The following SOX5 variants were observed in gnomAD, a reference collection of about 807,000 sequenced individuals.
The protein encoded by SOX5 is SRY-box transcription factor 5, also known as transcription factor SOX-5.
In SOX5, 9 loss-of-function variants were observed where a neutral mutation model predicts 92.0. The ratio of observed to expected loss-of-function variants is 0.10; its 90% CI spans 0.06 to 0.17. The LOEUF is 0.17. Ranked by LOEUF, SOX5 falls within the 10% of genes least tolerant of loss-of-function variation. The pLI, the probability that SOX5 is intolerant of heterozygous loss-of-function variation, is 1.00. For synonymous variants in SOX5, 344 were observed against 336.3 expected (o/e 1.02, Z -0.25); for missense variants, 642 against 944.5 (o/e 0.68, Z 4.20).
chr12:23,933,319 A>T (rs977292865), intron 1 of SOX5, among the ~76,000 whole-genome samples: 2 of 151,582 alleles, frequency 1.3e-5, no homozygotes, highest in African/African-American at 4.8e-5. Context: ...CATAACATAT[A>T]CTGTACAGAG....
At chr12:23,798,504 A>G (rs1166637875) in intron 3 of SOX5, among the ~76,000 whole-genome samples, 1 of 151,710 alleles carries the variant, frequency 6.6e-6, no homozygotes, top group African/African-American at 2.4e-5. Flanking sequence ...AGAGTTACAC[A>G]TGTATACTCA....
chr12:24,443,356 T>G (rs962372307), intron 1 of SOX5, among the ~76,000 whole-genome samples: 2 of 152,196 alleles, frequency 1.3e-5, no homozygotes, highest in Non-Finnish European at 2.9e-5. Context: ...TGCAAATGCT[T>G]TCAATAAACA....
Position 24,375,326 on chromosome 12 carries a change from G to A in SOX5, c.-250-6687C>T, listed in dbSNP as rs115375854. Among the ~76,000 whole-genome samples, 600 of 152,180 alleles carry A rather than the reference G, an allele frequency of 3.9e-3. 8 individuals carry two copies. The highest frequency in any genetic ancestry group is 0.014 in the African/African-American group (580 of 41,532). On this transcript the variant is annotated intron_variant, in intron 1 of 4. Transcript: ENST00000446891. ...CTAGGCCCCTCCTTCACTCCATCCT[G>A]CTCCTGGGCCTGAACGGGGAAATGG...
chr12:23,958,834 C>T (rs1045472125), intron 4 of SOX5, among the ~76,000 whole-genome samples: 11 of 151,164 alleles, frequency 7.3e-5, no homozygotes, highest in Admixed American at 6.6e-4. Context: ...CAATTTAAAA[C>T]CCCCAGAAAC....
intron 1 of SOX5, among the ~76,000 whole-genome samples, chr12:24,414,838 T>C (rs1180873747): frequency 6.6e-6 from 1 of 152,230 alleles, no homozygotes; most frequent in Non-Finnish European, 1.5e-5. Flanking sequence ...TCTCCCCACA[T>C]GCCTATGAAA....
chr12:24,394,060 G>A (rs1293722382), intron 1 of SOX5, among the ~76,000 whole-genome samples: 6 of 152,140 alleles, frequency 3.9e-5, no homozygotes, highest in Non-Finnish European at 7.4e-5. Context: ...AAAGAAATCG[G>A]AAGAGACTGC....
At chr12:23,845,721 T>C (rs1403437773) in intron 3 of SOX5, among the ~76,000 whole-genome samples, 2 of 152,144 alleles carry the variant, frequency 1.3e-5, no homozygotes, top group Admixed American at 6.5e-5. Flanking sequence ...TGCTGCCACA[T>C]TCTATTCTTG....
chr12:24,291,130 G>C (rs763466194), intron 2 of SOX5, among the ~76,000 whole-genome samples: 1 of 152,072 alleles, frequency 6.6e-6, no homozygotes, highest in Non-Finnish European at 1.5e-5. Flanking sequence ...GACATGATTA[G>C]GCACTGGGCA....
At chr12:23,545,453 C>G (rs4246218) in intron 12 of SOX5, among the ~76,000 whole-genome samples, 111,065 of 152,048 alleles carry the variant, frequency 0.73, 40,892 homozygotes, top group East Asian at 0.96. Context: ...TTAATTTCTT[C>G]TCACTGTGGA....
At chr12:24,058,948 G>C (rs1395248080) in intron 4 of SOX5, among the ~76,000 whole-genome samples, 1 of 152,126 alleles carries the variant, frequency 6.6e-6, no homozygotes, top group Non-Finnish European at 1.5e-5. Context: ...CCTATGAAAA[G>C]ATATCTCAAA....
intron 4 of SOX5, among the ~76,000 whole-genome samples, chr12:24,097,777 A>G (rs1318574648): frequency 3.9e-5 from 6 of 152,176 alleles, no homozygotes; most frequent in Non-Finnish European, 7.4e-5. Flanking sequence ...TAGCTCTTCA[A>G]GCAAGGTGTC....
chr12:23,917,265 G>A (rs2097426517), intron 1 of SOX5, among the ~76,000 whole-genome samples: 1 of 152,144 alleles, frequency 6.6e-6, no homozygotes, highest in Admixed American at 6.5e-5. Context: ...TTCTGGCCGG[G>A]CGCAGTGGCT....
In SOX5 at chr12:24,244,001, C is replaced by A. The variant is rs1416251056; in HGVS notation, c.-76-30584G>T. ...CAATTTGCAAGTGGAACAAGGTAAC[C>A]ACTGATCACGTTAGGAAGATTTAAA... is the stretch of plus-strand genomic sequence containing the variant. On this transcript the variant is annotated intron_variant, in intron 3 of 4. Coordinates refer to the SOX5 transcript ENST00000446891. Among the ~76,000 whole-genome samples, 7 of 148,970 alleles carry A rather than the reference C, an allele frequency of 4.7e-5. 1 individual carries two copies. Among genetic ancestry groups the A allele is most frequent in the Non-Finnish European group, 1.0e-4 (7 of 67,670 alleles).
intron 8 of SOX5, among the ~76,000 whole-genome samples, chr12:23,624,887 C>A (rs533623236): frequency 5.1e-4 from 78 of 152,154 alleles, no homozygotes; most frequent in Non-Finnish European, 1.0e-3. Flanking sequence ...ACTTTTAATT[C>A]TTAAACATTT....
chr12:24,249,663 G>A (rs542139045), intron 3 of SOX5, among the ~76,000 whole-genome samples: 1 of 152,246 alleles, frequency 6.6e-6, no homozygotes, highest in East Asian at 1.9e-4. Context: ...ATCACAAAGA[G>A]GGTGAGATCC....
At chr12:24,209,630 C>T (rs1301950746) in intron 4 of SOX5, among the ~76,000 whole-genome samples, 1 of 152,128 alleles carries the variant, frequency 6.6e-6, no homozygotes, top group Non-Finnish European at 1.5e-5. Context: ...AAAACTGCTG[C>T]CACAAGATTG....
intron 6 of SOX5, among the ~76,000 whole-genome samples, chr12:23,718,656 C>G (rs974720291): frequency 6.6e-6 from 1 of 152,104 alleles, no homozygotes; most frequent in Non-Finnish European, 1.5e-5. Flanking sequence ...TATCCTGCAT[C>G]AAAAACCTTA....
At chr12:23,881,603 C>T (rs989485531) in intron 2 of SOX5, among the ~76,000 whole-genome samples, 1 of 152,150 alleles carries the variant, frequency 6.6e-6, no homozygotes, top group Non-Finnish European at 1.5e-5. Flanking sequence ...AAACTGATGT[C>T]TCATGATTTG....
intron 1 of SOX5, among the ~76,000 whole-genome samples, chr12:24,394,123 G>C (rs1320224679): frequency 6.6e-6 from 1 of 152,092 alleles, no homozygotes; most frequent in Non-Finnish European, 1.5e-5. Context: ...TCATCAGAGT[G>C]GGTTTTATCA....
Sources: gnomAD v4.1 joint callset for allele counts (sites outside exome capture counted in the v4.1 genomes callset) on GRCh38, gnomAD v4.1.1 for gene constraint, MANE v1.5 for transcripts, NCBI Gene and HGNC (gene_info 2026-07-23, HGNC 2026-07-21) for gene names.